MAPK14: variants seen among roughly 807,000 people sequenced by gnomAD.
MAPK14 encodes mitogen-activated protein kinase 14.
In MAPK14, 16 loss-of-function variants were observed where a neutral mutation model predicts 49.6. That is an observed-to-expected ratio of 0.32 (90% CI 0.22 to 0.49). The LOEUF is 0.49. Among genes scored for constraint, MAPK14 ranks in the 20% least tolerant of loss-of-function variants. The pLI is 0.99. For missense variants in MAPK14, 200 were observed against 441.2 expected, an observed-to-expected ratio of 0.45 and a Z score of 4.90; for synonymous variants, 142 against 158.0, an observed-to-expected ratio of 0.90 and a Z score of 0.76.
At chr6:36,080,304 A>G (rs1764703245) in intron 8 of MAPK14, among the ~76,000 whole-genome samples, 1 of 152,102 alleles carries the variant, frequency 6.6e-6, no homozygotes, top group Non-Finnish European at 1.5e-5. Flanking sequence ...AATCACTACT[A>G]CTACCTATTT....
chr6:36,121,722 C>G, the MAPK14 span, among the ~76,000 whole-genome samples: 1 of 152,146 alleles, frequency 6.6e-6, no homozygotes, highest in African/African-American at 2.4e-5. Flanking sequence ...TTATTTCTTA[C>G]AAAAGATTGG....
chr6:36,049,071 A>G (rs1763296224), intron 1 of MAPK14, among the ~76,000 whole-genome samples: 1 of 152,200 alleles, frequency 6.6e-6, no homozygotes, highest in South Asian at 2.1e-4. Context: ...CAGGATGGAC[A>G]GTATTTAGAG....
chr6:36,028,110 C>A lies in MAPK14; in HGVS notation c.-48C>A, dbSNP rs112052460. On this transcript the variant is annotated 5_prime_UTR_variant, in exon 1 of 12. Transcript: ENST00000229794. The surrounding 1 kb of genome is among the most constrained non-coding windows in gnomAD (Gnocchi z 5.1). ...GCCGGGGAGAGGGTGCGGGTGCAGG[C>A]GGGGGCCCCACAGGGCCACCTTCTT... is the stretch of plus-strand genomic sequence containing the variant. 2 of 1,307,940 alleles carry A rather than the reference C, an allele frequency of 1.5e-6. No individual in the cohort carries two copies. The highest frequency in any genetic ancestry group is 1.3e-5 in the South Asian group (1 of 79,658). The allele number at this position is 1,307,940 out of a possible 1,614,324, so 81.0% of individuals were successfully genotyped here.
At chr6:36,031,214 A>G (rs1449301383) in intron 1 of MAPK14, among the ~76,000 whole-genome samples, 8 of 152,014 alleles carry the variant, frequency 5.3e-5, no homozygotes, top group Admixed American at 1.3e-4. Flanking sequence ...GGGGTTCTCC[A>G]TGTTGGCCAG....
chr6:36,053,164 T>A (rs1763468531), intron 2 of MAPK14, among the ~76,000 whole-genome samples: 1 of 149,230 alleles, frequency 6.7e-6, no homozygotes, highest in Non-Finnish European at 1.5e-5. Flanking sequence ...TTTGCCTGGT[T>A]TTCCTAAGGC....
At chr6:36,056,101 T>C (rs1008403966) in intron 2 of MAPK14, among the ~76,000 whole-genome samples, 1 of 152,198 alleles carries the variant, frequency 6.6e-6, no homozygotes, top group African/African-American at 2.4e-5. Context: ...TTCAGGTTAC[T>C]TTATTTTTCT....
chr6:36,039,470 G>GGT (rs3840165), intron 1 of MAPK14, among the ~76,000 whole-genome samples: 20 of 151,386 alleles, frequency 1.3e-4, no homozygotes, highest in East Asian at 1.9e-4. Context: ...TATGAAGGAA[G>GGT]GTGTGTGTGT....
chr6:36,039,535 T>G (rs1359386495), intron 1 of MAPK14, among the ~76,000 whole-genome samples: 1 of 152,146 alleles, frequency 6.6e-6, no homozygotes, highest in Non-Finnish European at 1.5e-5. Flanking sequence ...ATTGATTGCA[T>G]TTTCAAACTT....
chr6:36,076,689 T>G, intron 8 of MAPK14, 81 bp downstream of exon 8: 56 of 1,025,660 alleles, frequency 5.5e-5, no homozygotes, highest in Non-Finnish European at 7.3e-5. Flanking sequence ...TACTTATCTC[T>G]AGGGAAGACT....
chr6:36,063,740 A>G (rs1455733955), intron 3 of MAPK14, among the ~76,000 whole-genome samples: 1 of 152,220 alleles, frequency 6.6e-6, no homozygotes, highest in Admixed American at 6.5e-5. Flanking sequence ...ACAGTTACTG[A>G]ATCTGGATGG....
At chr6:36,080,181 G>A (rs1429947747) in intron 8 of MAPK14, among the ~76,000 whole-genome samples, 5 of 152,078 alleles carry the variant, frequency 3.3e-5, no homozygotes, top group Middle Eastern at 6.8e-3. Context: ...CAAGTGATCC[G>A]CCCACCTTAG....
At chr6:36,033,033 A>T (rs1310759171) in intron 1 of MAPK14, among the ~76,000 whole-genome samples, 1 of 151,272 alleles carries the variant, frequency 6.6e-6, no homozygotes, top group African/African-American at 2.4e-5. Flanking sequence ...ATAAAAGTGC[A>T]TGATTATTAA....
chr6:36,043,087 A>G lies in MAPK14; in HGVS notation c.117-9612A>G, dbSNP rs556330045. 5.9e-5 allele frequency among the ~76,000 whole-genome samples: 9 copies of G among 151,922 alleles called. No individual in the cohort carries two copies. The East Asian group carries it at 1.7e-3, about 29-fold the overall frequency. On this transcript the variant is annotated intron_variant, in intron 1 of 11. Transcript: ENST00000229794. ...TGCATTGAGCCGTGATCATGCCACC[A>G]CACTCTAGCCTGGGCAACAGAGCAA... is the stretch of plus-strand genomic sequence containing the variant.
chr6:36,096,834 A>G (rs927619786), intron 9 of MAPK14: 4 of 152,252 alleles, frequency 2.6e-5, no homozygotes, highest in Non-Finnish European at 4.4e-5. Context: ...AGTCTGGCTT[A>G]CTTTTGCTAT....
intron 8 of MAPK14, among the ~76,000 whole-genome samples, chr6:36,087,326 G>C (rs992836655): frequency 6.6e-6 from 1 of 152,160 alleles, no homozygotes; most frequent in Non-Finnish European, 1.5e-5. Flanking sequence ...TATTCAAATA[G>C]GAAGAGAGGA....
chr6:36,055,741 G>A (rs1356609321), intron 2 of MAPK14, among the ~76,000 whole-genome samples: 1 of 150,832 alleles, frequency 6.6e-6, no homozygotes, highest in Non-Finnish European at 1.5e-5. Context: ...AGACCAGCCT[G>A]GGCAACATGG....
intron 6 of MAPK14, 140 bp from the exon 7 acceptor site, chr6:36,075,708 G>A: frequency 9.0e-7 from 1 of 1,110,490 alleles, no homozygotes; most frequent in African/African-American, 1.5e-5. Flanking sequence ...GTATGGACCA[G>A]GAAATCTCTT....
chr6:36,049,429 G>GGTATA (rs1440319462), intron 1 of MAPK14, among the ~76,000 whole-genome samples: 1 of 152,094 alleles, frequency 6.6e-6, no homozygotes, highest in Admixed American at 6.6e-5. Flanking sequence ...GAATAGCAAA[G>GGTATA]GTATAAATTA....
At chr6:36,029,193 G>A (rs891772212) in intron 1 of MAPK14, 2 of 152,070 alleles carry the variant, frequency 1.3e-5, no homozygotes, top group African/African-American at 4.8e-5. Context: ...TAATTCCTGC[G>A]AATACTGTGT....
Sources: allele counts gnomAD v4.1 joint callset (sites outside exome capture counted in the v4.1 genomes callset), GRCh38; gene constraint gnomAD v4.1.1; non-coding constraint Gnocchi (gnomAD v3.1); transcripts MANE v1.5; gene names NCBI Gene and HGNC (gene_info 2026-07-23, HGNC 2026-07-21).